Variants in SLCO1B1 observed in about 807,000 individuals in gnomAD.
SLCO1B1 encodes OATP-2.
Under a neutral mutation model 70.1 loss-of-function variants are expected in SLCO1B1, and 81 were observed. The observed-to-expected ratio is 1.16, with a 90% confidence interval of 0.97 to 1.39. The LOEUF (loss-of-function observed/expected upper bound fraction) is 1.39, where lower values mean the gene tolerates loss of function less well. Among genes scored for constraint, SLCO1B1 ranks in the 40% most tolerant of loss-of-function variants. The pLI is 0.00. For missense variants in SLCO1B1, 895 were observed against 799.6 expected (o/e 1.12, Z -1.44); for synonymous variants, 283 against 271.5 (o/e 1.04, Z -0.42).
At chr12:21,187,823 A>C (rs981014178) in intron 7 of SLCO1B1, among the ~76,000 whole-genome samples, 2 of 152,202 alleles carry the variant, frequency 1.3e-5, no homozygotes, top group Non-Finnish European at 2.9e-5. Flanking sequence ...AGTGAGGAGT[A>C]AAGAATTTCA....
At chr12:21,228,570 G>A (rs763141266) in intron 14 of SLCO1B1, among the ~76,000 whole-genome samples, 1 of 152,072 alleles carries the variant, frequency 6.6e-6, no homozygotes, top group Non-Finnish European at 1.5e-5. Context: ...TTATTTGGTT[G>A]GGCCCAATAT....
chr12:21,232,589 C>A (rs1941550304), intron 14 of SLCO1B1, among the ~76,000 whole-genome samples: 1 of 152,110 alleles, frequency 6.6e-6, no homozygotes, highest in Admixed American at 6.6e-5. Flanking sequence ...CATTACAGAA[C>A]AACACTAAAA....
At chr12:21,144,055 C>G (rs910714431) in intron 2 of SLCO1B1, among the ~76,000 whole-genome samples, 2 of 152,022 alleles carry the variant, frequency 1.3e-5, no homozygotes, top group Non-Finnish European at 2.9e-5. Flanking sequence ...TTGTACTGAA[C>G]TAACTACATT....
intron 7 of SLCO1B1, 40 bp from the exon 8 acceptor site, chr12:21,196,906 A>C: frequency 6.3e-7 from 1 of 1,598,730 alleles, no homozygotes; most frequent in Non-Finnish European, 8.6e-7. Context: ...ATTGTATTTC[A>C]AAATGATTTT....
At chr12:21,232,624 C>A (rs1296019294) in intron 14 of SLCO1B1, among the ~76,000 whole-genome samples, 3 of 152,072 alleles carry the variant, frequency 2.0e-5, no homozygotes, top group Non-Finnish European at 4.4e-5. Flanking sequence ...ACAAAGTACA[C>A]CAGATTTGCT....
chr12:21,212,425 G>T (rs1941298893), intron 11 of SLCO1B1, among the ~76,000 whole-genome samples: 1 of 135,384 alleles, frequency 7.4e-6, no homozygotes, highest in African/African-American at 2.8e-5. Context: ...TGTGGTCTGA[G>T]AGATAGTTTG....
intron 7 of SLCO1B1, among the ~76,000 whole-genome samples, chr12:21,187,752 T>C (rs1940979966): frequency 6.6e-6 from 1 of 152,124 alleles, no homozygotes; most frequent in Non-Finnish European, 1.5e-5. Context: ...CATAAATTCA[T>C]AGGATTAACA....
intron 2 of SLCO1B1, among the ~76,000 whole-genome samples, chr12:21,159,547 T>A (rs749805604): frequency 2.0e-5 from 3 of 152,182 alleles, no homozygotes; most frequent in Non-Finnish European, 4.4e-5. Flanking sequence ...ATATGATAGT[T>A]TATTTAAAGT....
Position 21,175,246 on chromosome 12 carries a change from A to G in SLCO1B1, c.359+537A>G, listed in dbSNP as rs531597590. On this transcript the variant is annotated intron_variant, in intron 4 of 14. Coordinates refer to ENST00000256958, the MANE Select transcript of SLCO1B1 (RefSeq NM_006446.5). Reference sequence around the variant, plus strand: ...TTTCCATCATAGTGCTATGCCTTGCATGGTCTTGGCTTCATGATCCAAATT... The same window carrying G: ...TTTCCATCATAGTGCTATGCCTTGCGTGGTCTTGGCTTCATGATCCAAATT... 2.6e-5 allele frequency among the ~76,000 whole-genome samples: 4 copies of G among 152,248 alleles called. No individual in the cohort carries two copies. In the East Asian group the frequency reaches 5.8e-4, roughly 22 times the overall value.
At chr12:21,197,604 G>A (rs1027617021) in intron 8 of SLCO1B1, among the ~76,000 whole-genome samples, 1 of 152,062 alleles carries the variant, frequency 6.6e-6, no homozygotes, top group Non-Finnish European at 1.5e-5. Context: ...CAAGAACCTA[G>A]TGGGTGATGC....
chr12:21,195,334 A>G (rs1038062292), intron 7 of SLCO1B1, among the ~76,000 whole-genome samples: 1 of 151,924 alleles, frequency 6.6e-6, no homozygotes, highest in East Asian at 1.9e-4. Context: ...CACTTGGTCA[A>G]CTCCCAGAAA....
chr12:21,234,139 G>A (rs572272068), intron 14 of SLCO1B1, among the ~76,000 whole-genome samples: 2 of 152,174 alleles, frequency 1.3e-5, no homozygotes, highest in East Asian at 3.9e-4. Context: ...TGGGTAGGGG[G>A]GCCAGTGAGT....
In SLCO1B1 at chr12:21,143,056, C is replaced by T. The variant is rs1022904017; in HGVS notation, c.84+1398C>T. 1.6e-4 allele frequency among the ~76,000 whole-genome samples: 24 copies of T among 152,034 alleles called. 1 individual carries two copies. Among genetic ancestry groups the T allele is most frequent in the Admixed American group, 1.2e-3 (19 of 15,248 alleles). On this transcript the variant is annotated intron_variant, in intron 2 of 14. Coordinates refer to ENST00000256958, the MANE Select transcript of SLCO1B1 (RefSeq NM_006446.5). ...AGTGATATTTAAAATAATATTTTCA[C>T]TCACTTAAATTGTTAACATTGATAT...
chr12:21,170,075 T>G (rs1340389229), intron 2 of SLCO1B1, among the ~76,000 whole-genome samples: 1 of 152,188 alleles, frequency 6.6e-6, no homozygotes, highest in African/African-American at 2.4e-5. Flanking sequence ...GTACTGGTGC[T>G]CCACCTCGTG....
intron 7 of SLCO1B1, among the ~76,000 whole-genome samples, chr12:21,180,871 A>T (rs1429458477): frequency 6.6e-6 from 1 of 152,174 alleles, no homozygotes; most frequent in African/African-American, 2.4e-5. Context: ...TTATTACATT[A>T]TTTGAGAATT....
At chr12:21,224,881 A>G (rs1441248690) in intron 14 of SLCO1B1, 42 bp downstream of exon 14, 2 of 1,009,688 alleles carry the variant, frequency 2.0e-6, no homozygotes, top group East Asian at 2.6e-5. Context: ...TTCTTTGACT[A>G]TATTAATTCC....
chr12:21,200,645 C>G lies in SLCO1B1; in HGVS notation c.1108C>G (p.Pro370Ala). The G allele has an allele frequency of 6.2e-7, 1 of 1,612,240 alleles. No homozygotes were observed. The highest frequency in any genetic ancestry group is 8.5e-7 in the Non-Finnish European group (1 of 1,179,010). Reference sequence around the variant, plus strand: ...ATACGTAGAGCAACAGTATGGTCAGCCTTCATCTAAGGCTAACATCTTATT... The same window carrying G: ...ATACGTAGAGCAACAGTATGGTCAGGCTTCATCTAAGGCTAACATCTTATT... ...FKYVEQQYGQ[P>A]SSKANILLGV... Residue 370 changes from proline to alanine, a missense_variant, in exon 9 of 15, where the codon CCT becomes GCT. By Grantham distance (27) the Pro-to-Ala change is conservative. Coordinates refer to ENST00000256958, the MANE Select transcript of SLCO1B1 (RefSeq NM_006446.5).
chr12:21,159,419 T>C (rs1304464813), intron 2 of SLCO1B1, among the ~76,000 whole-genome samples: 1 of 152,042 alleles, frequency 6.6e-6, no homozygotes, highest in Non-Finnish European at 1.5e-5. Flanking sequence ...ATTCTATACC[T>C]GAATAAAAAG....
chr12:21,230,492 G>A (rs761459732), intron 14 of SLCO1B1, among the ~76,000 whole-genome samples: 11 of 151,670 alleles, frequency 7.3e-5, no homozygotes, highest in African/African-American at 1.9e-4. Flanking sequence ...CACCATACCC[G>A]GCTAATTTTG....
Sources: allele counts gnomAD v4.1 joint callset (sites outside exome capture counted in the v4.1 genomes callset), GRCh38; gene constraint gnomAD v4.1.1; transcripts MANE v1.5; gene names NCBI Gene and HGNC (gene_info 2026-07-23, HGNC 2026-07-21).